The following SOS1 variants were observed in gnomAD, a reference collection of about 807,000 sequenced individuals.
The protein encoded by SOS1 is son of sevenless homolog 1.
A neutral mutation model predicts 157.6 loss-of-function variants in SOS1; 25 were observed. The ratio of observed to expected loss-of-function variants is 0.16; its 90% CI spans 0.12 to 0.22. The LOEUF (loss-of-function observed/expected upper bound fraction) is 0.22. SOS1 is among the 10% of genes least tolerant of loss of function. SOS1 has a pLI of 1.00. For missense variants in SOS1, 1,237 were observed against 1,599.1 expected, an observed-to-expected ratio of 0.77 and a Z score of 3.86; for synonymous variants, 528 against 534.0, an observed-to-expected ratio of 0.99 and a Z score of 0.16.
Position 39,006,287 on chromosome 2 carries a change from G to A in SOS1, c.2791+125C>T. On this transcript the variant is annotated intron_variant, in intron 17 of 22. Coordinates refer to ENST00000402219, the MANE Select transcript of SOS1 (RefSeq NM_005633.4). ...AGAAAAATTCTAAAGGGCTTCAGGT[G>A]CTAAATATTGATCAAACAAGTATTT... 6 of 729,356 alleles carry A rather than the reference G, an allele frequency of 8.2e-6. No individual in the cohort carries two copies. The Admixed American group carries it at 9.5e-5, about 12-fold the overall frequency. The allele number at this position is 729,356 out of a possible 1,614,324, so 45.2% of individuals were successfully genotyped here.
At chr2:39,020,841 T>G (rs1166093544) in intron 10 of SOS1, among the ~76,000 whole-genome samples, 1 of 151,702 alleles carries the variant, frequency 6.6e-6, no homozygotes, top group Admixed American at 6.6e-5. Context: ...ACCAGTAATA[T>G]ATTTATGACA....
chr2:39,102,932 G>C (rs2148208868), intron 1 of SOS1, among the ~76,000 whole-genome samples: 1 of 152,174 alleles, frequency 6.6e-6, no homozygotes. Flanking sequence ...TCCAGTCTGG[G>C]TGACAGGGCG....
intron 21 of SOS1, among the ~76,000 whole-genome samples, chr2:38,988,134 TG>T (rs1369234871): frequency 1.3e-5 from 2 of 152,198 alleles, no homozygotes; most frequent in Non-Finnish European, 2.9e-5. Flanking sequence ...CTCCTCATTT[TG>T]TTTAGTTATA....
chr2:39,058,047 A>G (rs953235280), intron 3 of SOS1, among the ~76,000 whole-genome samples: 2 of 152,148 alleles, frequency 1.3e-5, no homozygotes, highest in African/African-American at 4.8e-5. Context: ...TCTGTATTAT[A>G]GTATGTACAA....
chr2:39,033,036 T>G (rs544672485), intron 8 of SOS1, among the ~76,000 whole-genome samples: 1 of 151,802 alleles, frequency 6.6e-6, no homozygotes, highest in Admixed American at 6.6e-5. Flanking sequence ...CTGAACACAT[T>G]TGGCATATCC....
chr2:39,089,940 A>G (rs1181457785), intron 1 of SOS1, among the ~76,000 whole-genome samples: 1 of 150,208 alleles, frequency 6.7e-6, no homozygotes, highest in Non-Finnish European at 1.5e-5. Flanking sequence ...CAGCCTGGAC[A>G]ACATGGTGAA....
intron 1 of SOS1, among the ~76,000 whole-genome samples, chr2:39,116,187 A>AAAAG (rs10700925): frequency 1 from 152,371 of 152,376 alleles, 76,183 homozygotes; most frequent in Middle Eastern, 1. Context: ...GAATAACCCA[A>AAAAG]ACTTTTAAGT....
At chr2:39,043,050 G>A (rs1479269830) in intron 6 of SOS1, among the ~76,000 whole-genome samples, 1 of 152,160 alleles carries the variant, frequency 6.6e-6, no homozygotes, top group African/African-American at 2.4e-5. Context: ...GTGAATAGAA[G>A]TGGTGATAGT....
intron 1 of SOS1, among the ~76,000 whole-genome samples, chr2:39,103,205 G>C (rs1380249589): frequency 1.3e-5 from 2 of 152,114 alleles, no homozygotes; most frequent in Non-Finnish European, 2.9e-5. Flanking sequence ...TGAGTAGGAA[G>C]ACTTAATATT....
intron 3 of SOS1, among the ~76,000 whole-genome samples, chr2:39,058,238 G>C (rs1558493143): frequency 6.6e-6 from 1 of 151,986 alleles, no homozygotes. Context: ...AGTAGGACTG[G>C]AGAGTTTAGG....
At position 39,022,862 on chromosome 2, in the gene SOS1, A is replaced by G. The variant is rs145325119; in HGVS notation, c.1566T>C (p.Asn522=). The change falls in exon 10 of 23, where the codon AAT becomes AAC. Residue 522 remains asparagine, a synonymous_variant. Transcript: ENST00000402219. ...CTGACTTGGCAGAAAATATAACACT[A>G]TTTTCATCTTTTAAAATTATTTCAA... ...HAFEIILKDE[N]SVIFSAKSAE... 1.4e-5 allele frequency: 23 copies of G among 1,612,736 alleles called. No individual in the cohort carries two copies. In the African/African-American group the frequency reaches 2.8e-4, roughly 20 times the overall value.
At chr2:39,040,252 T>C (rs569728305) in intron 6 of SOS1, among the ~76,000 whole-genome samples, 2 of 152,090 alleles carry the variant, frequency 1.3e-5, no homozygotes, top group East Asian at 3.9e-4. Context: ...CTCCTGACCT[T>C]GTGATCCGCC....
At chr2:39,068,109 ACT>A (rs775515454) in intron 1 of SOS1, among the ~76,000 whole-genome samples, 5 of 152,086 alleles carry the variant, frequency 3.3e-5, no homozygotes, top group African/African-American at 4.8e-5. Context: ...ACAGAGCAAG[ACT>A]CTGTCTCAAA....
intron 17 of SOS1, among the ~76,000 whole-genome samples, chr2:38,998,030 A>G (rs12471731): frequency 0.79 from 120,633 of 152,122 alleles, 50,702 homozygotes; most frequent in Non-Finnish European, 0.92. Context: ...AAGCCTGTCA[A>G]ATGTGGGACT....
intron 8 of SOS1, among the ~76,000 whole-genome samples, chr2:39,033,316 G>A (rs1433206402): frequency 6.6e-6 from 1 of 151,730 alleles, no homozygotes; most frequent in African/African-American, 2.4e-5. Context: ...AACTTAGGCA[G>A]TAATACGAAC....
intron 1 of SOS1, among the ~76,000 whole-genome samples, chr2:39,106,574 G>T (rs368371659): frequency 3.0e-5 from 4 of 133,506 alleles, no homozygotes; most frequent in Non-Finnish European, 6.2e-5. Flanking sequence ...CTGGGCGACA[G>T]AGCGAGACTC....
intron 6 of SOS1, among the ~76,000 whole-genome samples, chr2:39,040,234 G>T (rs549212992): frequency 1.3e-5 from 2 of 151,874 alleles, no homozygotes; most frequent in East Asian, 1.9e-4. Context: ...AGCCAGGATG[G>T]TCTCGATCTC....
intron 1 of SOS1, among the ~76,000 whole-genome samples, chr2:39,079,967 A>T (rs922177942): frequency 6.6e-6 from 1 of 152,018 alleles, no homozygotes; most frequent in East Asian, 1.9e-4. Context: ...GTGGTCCCCA[A>T]CCTTTTTGGC....
upstream of SOS1, among the ~76,000 whole-genome samples, chr2:39,121,564 C>T (rs1410804618): frequency 1.3e-5 from 2 of 152,182 alleles, no homozygotes; most frequent in Admixed American, 6.5e-5. Context: ...TTTAGATTCC[C>T]TCTGTTCATC....
Sources: allele counts gnomAD v4.1 joint callset (sites outside exome capture counted in the v4.1 genomes callset), GRCh38; gene constraint gnomAD v4.1.1; transcripts MANE v1.5; gene names NCBI Gene and HGNC (gene_info 2026-07-23, HGNC 2026-07-21).